Variants in SORBS2 observed in about 807,000 individuals in gnomAD.
The protein encoded by SORBS2 is sorbin and SH3 domain containing 2, also known as sorbin and SH3 domain-containing protein 2.
Under a neutral mutation model 97.7 loss-of-function variants are expected in SORBS2, and 46 were observed. The observed-to-expected ratio is 0.47, with a 90% CI of 0.37 to 0.60. SORBS2 has a LOEUF of 0.60. Ranked by LOEUF, SORBS2 falls within the 20% of genes least tolerant of loss-of-function variation. SORBS2 has a pLI of 0.00. For missense variants in SORBS2, 1,316 were observed against 1,282.3 expected (o/e 1.03, Z -0.40); for synonymous variants, 476 against 473.4 (o/e 1.01, Z -0.07).
At chr4:185,777,668 T>A (rs1255535999) in intron 1 of SORBS2, among the ~76,000 whole-genome samples, 2 of 152,184 alleles carry the variant, frequency 1.3e-5, no homozygotes. Context: ...CTGCTGTAAG[T>A]GTAAAGCTTT....
At chr4:185,887,549 G>T (rs1339641400) in intron 1 of SORBS2, among the ~76,000 whole-genome samples, 4 of 152,170 alleles carry the variant, frequency 2.6e-5, no homozygotes, top group Non-Finnish European at 5.9e-5. Flanking sequence ...ATAGACTGCA[G>T]ATTTTGTGGT....
intron 1 of SORBS2, among the ~76,000 whole-genome samples, chr4:185,867,302 G>A (rs972364044): frequency 5.9e-5 from 9 of 152,154 alleles, no homozygotes; most frequent in Admixed American, 1.3e-4. Flanking sequence ...GAGCCACCGC[G>A]CCTGGCCAGA....
chr4:185,824,204 G>T (rs1045532538), intron 1 of SORBS2, among the ~76,000 whole-genome samples: 6 of 152,148 alleles, frequency 3.9e-5, no homozygotes, highest in African/African-American at 1.4e-4. Context: ...CTCCAGGGAG[G>T]ATCTTTCCTT....
intron 2 of SORBS2, among the ~76,000 whole-genome samples, chr4:185,701,549 C>T (rs2098262703): frequency 6.6e-6 from 1 of 152,196 alleles, no homozygotes; most frequent in Admixed American, 6.5e-5. Flanking sequence ...TAAAGGAAAT[C>T]CAGAACCCAC....
At chr4:185,791,105 T>C (rs2099077889) in intron 1 of SORBS2, among the ~76,000 whole-genome samples, 1 of 152,226 alleles carries the variant, frequency 6.6e-6, no homozygotes, top group African/African-American at 2.4e-5. Flanking sequence ...TAAGTACTAA[T>C]TTGGGAAAGT....
chr4:185,943,748 T>C (rs1234948158), intron 1 of SORBS2, among the ~76,000 whole-genome samples: 1 of 152,240 alleles, frequency 6.6e-6, no homozygotes, highest in African/African-American at 2.4e-5. Context: ...CGTTAGGTTA[T>C]ATTAGAAAAC....
chr4:185,924,962 C>G (rs2099262883), intron 1 of SORBS2, among the ~76,000 whole-genome samples: 1 of 152,188 alleles, frequency 6.6e-6, no homozygotes, highest in African/African-American at 2.4e-5. Flanking sequence ...GTCGTATCAA[C>G]TTGTTCCCAC....
At chr4:185,812,884 T>A (rs1157838079) in intron 1 of SORBS2, 1 of 152,254 alleles carries the variant, frequency 6.6e-6, no homozygotes, top group African/African-American at 2.4e-5. Flanking sequence ...ATCTTATTTG[T>A]AAATTAAAAA....
intron 5 of SORBS2, among the ~76,000 whole-genome samples, chr4:185,627,220 T>G (rs1404565650): frequency 6.6e-6 from 1 of 152,188 alleles, no homozygotes; most frequent in Non-Finnish European, 1.5e-5. Flanking sequence ...ACCTTATTAT[T>G]TATTTTGAGA....
chr4:185,676,254 A>T (rs1406529663), intron 4 of SORBS2, among the ~76,000 whole-genome samples: 1 of 152,220 alleles, frequency 6.6e-6, no homozygotes, highest in Non-Finnish European at 1.5e-5. Flanking sequence ...TGAATGTCTC[A>T]TCACATAGTA....
chr4:185,842,354 C>T (rs888202759), intron 1 of SORBS2, among the ~76,000 whole-genome samples: 1 of 152,138 alleles, frequency 6.6e-6, no homozygotes, highest in African/African-American at 2.4e-5. Flanking sequence ...GTGACTAGAG[C>T]AGAGTGGACA....
At chr4:185,883,940 C>G (rs776779836) in intron 1 of SORBS2, among the ~76,000 whole-genome samples, 2 of 152,162 alleles carry the variant, frequency 1.3e-5, no homozygotes, top group African/African-American at 4.8e-5. Flanking sequence ...ATATCAGTCA[C>G]GTAAGTCCAC....
intron 4 of SORBS2, among the ~76,000 whole-genome samples, chr4:185,672,686 TG>T (rs759392370): frequency 6.6e-6 from 1 of 152,262 alleles, no homozygotes; most frequent in Non-Finnish European, 1.5e-5. Flanking sequence ...AACAAAACTA[TG>T]TAAATAAAAC....
intron 1 of SORBS2, among the ~76,000 whole-genome samples, chr4:185,868,051 A>G (rs1375290738): frequency 1.3e-5 from 2 of 152,038 alleles, no homozygotes; most frequent in Non-Finnish European, 2.9e-5. Context: ...TCCATAAAAG[A>G]CAATAAGTGC....
At chr4:185,688,475 AT>A (rs2098017877) in intron 2 of SORBS2, among the ~76,000 whole-genome samples, 1 of 140,846 alleles carries the variant, frequency 7.1e-6, no homozygotes, top group Non-Finnish European at 1.6e-5. Context: ...TATTATCTGC[AT>A]TATCTATCTG....
At chr4:185,742,576 G>A (rs2098734045) in intron 2 of SORBS2, among the ~76,000 whole-genome samples, 1 of 152,166 alleles carries the variant, frequency 6.6e-6, no homozygotes, top group South Asian at 2.1e-4. Flanking sequence ...GATCCAATAA[G>A]ATATCCCCCT....
At chr4:185,618,239 TGCTGGGATTACAG>T (rs982461718) in intron 9 of SORBS2, among the ~76,000 whole-genome samples, 2 of 152,212 alleles carry the variant, frequency 1.3e-5, no homozygotes, top group African/African-American at 2.4e-5. Context: ...CCTCCCAAAG[TGCTGGGATTACAG>T]GCATGAGCCA....
intron 1 of SORBS2, among the ~76,000 whole-genome samples, chr4:185,904,368 T>G (rs1358740171): frequency 2.0e-5 from 3 of 152,154 alleles, no homozygotes; most frequent in Non-Finnish European, 4.4e-5. Context: ...CCCACCTTAC[T>G]CCAGGGGTAG....
chr4:185,586,259 G>T (rs1273462375), exon 15 of SORBS2: 1 of 152,642 alleles, frequency 6.6e-6, no homozygotes, highest in Non-Finnish European at 1.5e-5. Flanking sequence ...AGTTTTCGGA[G>T]CAGGTGTAAT....
Sources: gnomAD v4.1 joint callset for allele counts (sites outside exome capture counted in the v4.1 genomes callset) on GRCh38, gnomAD v4.1.1 for gene constraint, MANE v1.5 for transcripts, NCBI Gene and HGNC (gene_info 2026-07-23, HGNC 2026-07-21) for gene names.